Variants in TTLL12 observed in about 807,000 individuals in gnomAD.
TTLL12 encodes tubulin tyrosine ligase like 12, also known as tubulin--tyrosine ligase-like protein 12.
Under a neutral mutation model 79.6 loss-of-function variants are expected in TTLL12, and 77 were observed. The observed-to-expected ratio is 0.97, with a 90% CI of 0.81 to 1.17. TTLL12 has a LOEUF of 1.17. TTLL12 is among the 50% of genes most tolerant of loss of function. The pLI is 0.00. For synonymous variants in TTLL12, 437 were observed against 376.1 expected (o/e 1.16, Z -1.87); for missense variants, 969 against 895.9 (o/e 1.08, Z -1.04).
At chr22:43,174,841 C>A (rs1931862897) in intron 6 of TTLL12, among the ~76,000 whole-genome samples, 1 of 152,206 alleles carries the variant, frequency 6.6e-6, no homozygotes, top group Non-Finnish European at 1.5e-5. Context: ...GGTTCCCCAT[C>A]CGCAGGACTG....
intron 11 of TTLL12, among the ~76,000 whole-genome samples, chr22:43,171,236 C>A (rs529065701): frequency 6.6e-6 from 1 of 152,214 alleles, no homozygotes; most frequent in African/African-American, 2.4e-5. Context: ...TACCTGTCCA[C>A]GTACACTGGC....
At chr22:43,168,281 G>A in intron 13 of TTLL12, 122 bp from the exon 14 acceptor site, 1 of 1,387,532 alleles carries the variant, frequency 7.2e-7, no homozygotes, top group South Asian at 1.4e-5. Flanking sequence ...CCCAGGGGAT[G>A]AGCAGGACAA....
chr22:43,181,604 G>A (rs1932058107), intron 2 of TTLL12, among the ~76,000 whole-genome samples: 1 of 152,196 alleles, frequency 6.6e-6, no homozygotes, highest in Non-Finnish European at 1.5e-5. Flanking sequence ...CTACCCTGTA[G>A]GACACAGGGC....
At position 43,168,765 on chromosome 22, in the gene TTLL12, C is replaced by T. The variant is rs751266238; in HGVS notation, c.1783+9G>A. 6.4e-7 allele frequency: 1 copy of T among 1,552,418 alleles called. No individual in the cohort carries two copies. The highest frequency in any genetic ancestry group is 1.2e-5 in the South Asian group (1 of 84,260). On this transcript the variant is annotated intron_variant, in intron 13 of 13. Transcript: ENST00000216129. ...TGGTTTGGATCAGGAGATGGGGAGC[C>T]CCTCTTACCATCTGGGCCGTTGTCC...
chr22:43,181,137 T>G (rs1399606267), intron 2 of TTLL12, among the ~76,000 whole-genome samples, 197 bp from the exon 3 acceptor site: 1 of 152,152 alleles, frequency 6.6e-6, no homozygotes, highest in African/African-American at 2.4e-5. Flanking sequence ...TCACTCCCTG[T>G]GTGATCCTGA....
chr22:43,186,695 C>T (rs1932193644), intron 1 of TTLL12, among the ~76,000 whole-genome samples, 198 bp downstream of exon 1: 1 of 152,082 alleles, frequency 6.6e-6, no homozygotes, highest in African/African-American at 2.4e-5. Context: ...CCGGGCAGAT[C>T]AGGGCCGCAG....
rs1931648815 is a variant in TTLL12, at chr22:43,167,567, C to T, written c.*441G>A. On this transcript the variant is annotated 3_prime_UTR_variant, in exon 14 of 14. Transcript: ENST00000216129. ...AGACCCCGGAAGAGAAACCCGCCTGCCCCGTGTGATACAGGGCTCCCAAAC... is the reference window on the plus strand; with the variant it reads ...AGACCCCGGAAGAGAAACCCGCCTGTCCCGTGTGATACAGGGCTCCCAAAC... 1 of 187,496 alleles carries T rather than the reference C, an allele frequency of 5.3e-6. No individual in the cohort carries two copies. The highest frequency in any genetic ancestry group is 1.1e-5 in the Non-Finnish European group (1 of 88,932). 11.6% of individuals were successfully genotyped at this position (187,496 alleles called of 1,614,324 possible). A position where few individuals can be genotyped will look rare whatever the true frequency, so the allele number is the denominator to read the frequency against.
intron 11 of TTLL12, 68 bp downstream of exon 11, chr22:43,171,751 G>A: frequency 7.3e-7 from 1 of 1,378,886 alleles, no homozygotes; most frequent in South Asian, 1.2e-5. Flanking sequence ...GAGGCAGTGT[G>A]GGCGGGGTGG....
chr22:43,178,869 A>C (rs1163328617), intron 5 of TTLL12, among the ~76,000 whole-genome samples: 3 of 152,240 alleles, frequency 2.0e-5, no homozygotes, highest in African/African-American at 4.8e-5. Flanking sequence ...ATTGTAAGGA[A>C]CTGAGTGGCA....
intron 5 of TTLL12, among the ~76,000 whole-genome samples, chr22:43,178,661 T>C (rs1233734905): frequency 6.6e-6 from 1 of 152,104 alleles, no homozygotes; most frequent in Non-Finnish European, 1.5e-5. Flanking sequence ...CGTCTAACCC[T>C]TCCCGAAACC....
chr22:43,185,384 G>C (rs953681666), intron 1 of TTLL12, among the ~76,000 whole-genome samples: 9 of 151,384 alleles, frequency 5.9e-5, no homozygotes, highest in Admixed American at 3.9e-4. Flanking sequence ...GGGTGTAAGG[G>C]CCCACAGCGC....
At chr22:43,184,354 C>A (rs938285350) in intron 1 of TTLL12, among the ~76,000 whole-genome samples, 1 of 152,250 alleles carries the variant, frequency 6.6e-6, no homozygotes, top group African/African-American at 2.4e-5. Context: ...GAAGCTCAGG[C>A]TGAGTAAGGT....
intron 11 of TTLL12, chr22:43,169,769 C>T (rs2147066043): frequency 1.5e-6 from 1 of 663,922 alleles, no homozygotes; most frequent in Non-Finnish European, 2.8e-6. Flanking sequence ...GACTCTGGAC[C>T]AACGGATTAA....
intron 1 of TTLL12, 104 bp downstream of exon 1, chr22:43,186,789 C>T (rs1932195732): frequency 3.5e-6 from 4 of 1,142,580 alleles, no homozygotes; most frequent in Admixed American, 9.0e-5. Flanking sequence ...GGGTGGCTCA[C>T]CGCGGCTCCC....
chr22:43,177,632 G>C (rs1343908119), intron 5 of TTLL12, among the ~76,000 whole-genome samples: 1 of 152,190 alleles, frequency 6.6e-6, no homozygotes, highest in Middle Eastern at 3.2e-3. Context: ...CACTCTTATG[G>C]AGAGGCCCAC....
intron 5 of TTLL12, among the ~76,000 whole-genome samples, 189 bp from the exon 6 acceptor site, chr22:43,176,585 C>G (rs1339822557): frequency 6.6e-6 from 1 of 151,946 alleles, no homozygotes; most frequent in Admixed American, 6.6e-5. Context: ...TAAAAATTAG[C>G]CAGGCATGGT....
intron 2 of TTLL12, 109 bp downstream of exon 2, chr22:43,182,871 C>G (rs1434699813): frequency 1.4e-6 from 2 of 1,434,784 alleles, no homozygotes; most frequent in Non-Finnish European, 1.9e-6. Context: ...CAAAGCTGTC[C>G]TAAGGAAGAT....
At chr22:43,172,226 C>G (rs776934481) in intron 10 of TTLL12, among the ~76,000 whole-genome samples, 177 bp downstream of exon 10, 1 of 152,234 alleles carries the variant, frequency 6.6e-6, no homozygotes, top group Admixed American at 6.5e-5. Context: ...GTGGGCAGGG[C>G]AAGTCACCGC....
chr22:43,181,562 A>G (rs997774992), intron 2 of TTLL12, among the ~76,000 whole-genome samples: 1 of 152,236 alleles, frequency 6.6e-6, no homozygotes, highest in African/African-American at 2.4e-5. Context: ...CTACAGAAGC[A>G]TGCTGGGGCT....
Sources: gnomAD v4.1 joint callset for allele counts (sites outside exome capture counted in the v4.1 genomes callset) on GRCh38, gnomAD v4.1.1 for gene constraint, MANE v1.5 for transcripts, NCBI Gene and HGNC (gene_info 2026-07-23, HGNC 2026-07-21) for gene names.